The following PRR16 variants were observed in gnomAD, a reference collection of about 807,000 sequenced individuals.
PRR16 encodes the protein protein Largen.
Under a neutral mutation model 18.2 loss-of-function variants are expected in PRR16, and 6 were observed. The observed-to-expected ratio is 0.33, with a 90% CI of 0.18 to 0.65. PRR16 has a LOEUF of 0.65. Among genes scored for constraint, PRR16 ranks in the 30% least tolerant of loss-of-function variants. The pLI is 0.74. For synonymous variants in PRR16, 151 were observed against 147.8 expected (o/e 1.02, Z -0.16); for missense variants, 412 against 376.6 (o/e 1.09, Z -0.78).
the PRR16 span, among the ~76,000 whole-genome samples, chr5:120,712,883 A>G: frequency 2.1e-4 from 32 of 152,214 alleles, no homozygotes; most frequent in Non-Finnish European, 1.3e-4. Flanking sequence ...AGGAATGTAA[A>G]TTGGTACAGC....
At chr5:120,505,370 GTTGCTTAAAAGGTA>G (rs1378926489) in intron 1 of PRR16, among the ~76,000 whole-genome samples, 2 of 151,224 alleles carry the variant, frequency 1.3e-5, no homozygotes, top group Non-Finnish European at 2.9e-5. Flanking sequence ...CAGGGAATAG[GTTGCTTAAAAGGTA>G]TTGAATGTGG....
chr5:120,700,011 T>C, the PRR16 span, among the ~76,000 whole-genome samples: 1 of 152,092 alleles, frequency 6.6e-6, no homozygotes, highest in South Asian at 2.1e-4. Context: ...GGGTCAGTCC[T>C]AGTGAAAGCG....
chr5:120,584,020 G>T (rs949141490), intron 1 of PRR16, among the ~76,000 whole-genome samples: 2 of 152,208 alleles, frequency 1.3e-5, no homozygotes, highest in Non-Finnish European at 2.9e-5. Flanking sequence ...AAAAGACAGA[G>T]ATATGCAAAT....
At chr5:120,701,708 C>A in the PRR16 span, among the ~76,000 whole-genome samples, 1 of 152,024 alleles carries the variant, frequency 6.6e-6, no homozygotes, top group African/African-American at 2.4e-5. Flanking sequence ...AAAGACTCAG[C>A]AACGCTTGGG....
chr5:120,632,328 C>A (rs1033547927), intron 1 of PRR16, among the ~76,000 whole-genome samples: 1 of 152,012 alleles, frequency 6.6e-6, no homozygotes, highest in Non-Finnish European at 1.5e-5. Context: ...TTCTTTAACA[C>A]CCCCAAAATT....
At chr5:120,745,865 ATT>A in the PRR16 span, among the ~76,000 whole-genome samples, 21 of 127,434 alleles carry the variant, frequency 1.6e-4, no homozygotes, top group South Asian at 2.6e-4. Context: ...CGCCCGGGTA[ATT>A]TTTTTTTTTT....
At chr5:120,730,052 C>A in the PRR16 span, among the ~76,000 whole-genome samples, 8 of 152,090 alleles carry the variant, frequency 5.3e-5, no homozygotes, top group African/African-American at 1.7e-4. Context: ...GAGACGTCAA[C>A]CAGAAATGTT....
At chr5:120,613,486 A>C (rs570055582) in intron 1 of PRR16, among the ~76,000 whole-genome samples, 2 of 152,180 alleles carry the variant, frequency 1.3e-5, no homozygotes, top group Admixed American at 1.3e-4. Flanking sequence ...CTTGAACCCC[A>C]CAAAGACATT....
At chr5:120,470,706 T>A (rs1277910936) in intron 1 of PRR16, among the ~76,000 whole-genome samples, 1 of 152,098 alleles carries the variant, frequency 6.6e-6, no homozygotes, top group Non-Finnish European at 1.5e-5. Flanking sequence ...GCGCATTTAT[T>A]TATATTAAAT....
chr5:120,691,225 C>T (rs867833036), downstream of PRR16, among the ~76,000 whole-genome samples: 1 of 152,152 alleles, frequency 6.6e-6, no homozygotes, highest in Non-Finnish European at 1.5e-5. Context: ...ACAATATCGC[C>T]ACTTAATTGT....
chr5:120,650,222 A>G (rs1301128724), intron 1 of PRR16, among the ~76,000 whole-genome samples: 1 of 151,858 alleles, frequency 6.6e-6, no homozygotes, highest in Non-Finnish European at 1.5e-5. Context: ...TCTAAAAAAA[A>G]AAAAGAAAAA....
the PRR16 span, among the ~76,000 whole-genome samples, chr5:120,746,770 CA>C: frequency 2.6e-5 from 4 of 151,984 alleles, no homozygotes; most frequent in African/African-American, 9.7e-5. Context: ...AACGGAAAAC[CA>C]ATCAGGAGGA....
chr5:120,522,482 G>A (rs895091688), intron 1 of PRR16, among the ~76,000 whole-genome samples: 1 of 152,208 alleles, frequency 6.6e-6, no homozygotes, highest in African/African-American at 2.4e-5. Flanking sequence ...TTTGAGAAAT[G>A]TCTGTTCATA....
At chr5:120,488,660 CT>C (rs1452461265) in intron 1 of PRR16, among the ~76,000 whole-genome samples, 1 of 152,024 alleles carries the variant, frequency 6.6e-6, no homozygotes, top group African/African-American at 2.4e-5. Flanking sequence ...CAGTTCTGCT[CT>C]GATTTTAGTT....
intron 1 of PRR16, among the ~76,000 whole-genome samples, chr5:120,672,238 CTGTGTGTGTG>C (rs3048020): frequency 1.2e-3 from 158 of 135,102 alleles, no homozygotes; most frequent in African/African-American, 2.2e-3. Flanking sequence ...GGTGAGGGGT[CTGTGTGTGTG>C]TGTGTGTGTG....
intron 1 of PRR16, among the ~76,000 whole-genome samples, chr5:120,476,400 A>ACTAT (rs1749444084): frequency 1.3e-5 from 2 of 151,890 alleles, no homozygotes; most frequent in Non-Finnish European, 2.9e-5. Flanking sequence ...TCATTACCCC[A>ACTAT]CTATCTTGGA....
At chr5:120,548,786 T>C (rs77033279) in intron 1 of PRR16, among the ~76,000 whole-genome samples, 1 of 150,442 alleles carries the variant, frequency 6.6e-6, no homozygotes, top group African/African-American at 2.5e-5. Flanking sequence ...GACTAAGGAA[T>C]CAGGGAACAG....
intron 1 of PRR16, among the ~76,000 whole-genome samples, chr5:120,477,162 C>T (rs1018578086): frequency 6.6e-6 from 1 of 152,072 alleles, no homozygotes; most frequent in East Asian, 1.9e-4. Flanking sequence ...TTTATTCAGC[C>T]TTGTGGATAA....
intron 1 of PRR16, among the ~76,000 whole-genome samples, chr5:120,665,284 A>T (rs1444047808): frequency 6.6e-6 from 1 of 151,088 alleles, no homozygotes; most frequent in Admixed American, 6.6e-5. Flanking sequence ...CATATCCTTC[A>T]CCCACTTTTT....
Sources: gnomAD v4.1 joint callset for allele counts (sites outside exome capture counted in the v4.1 genomes callset) on GRCh38, gnomAD v4.1.1 for gene constraint, MANE v1.5 for transcripts, NCBI Gene and HGNC (gene_info 2026-07-23, HGNC 2026-07-21) for gene names.